Variants in RIC8B observed in about 807,000 individuals in gnomAD.
RIC8B encodes chaperone Ric-8B.
RIC8B carries 16 observed loss-of-function variants against 57.5 expected under a neutral mutation model. The observed-to-expected ratio is 0.28, with a 90% CI of 0.19 to 0.42. The LOEUF (loss-of-function observed/expected upper bound fraction) is 0.42, where lower values mean the gene tolerates loss of function less well. RIC8B is among the 10% of genes least tolerant of loss of function. RIC8B has a pLI of 1.00. For missense variants in RIC8B, 481 were observed against 677.0 expected (o/e 0.71, Z 3.21); for synonymous variants, 216 against 250.8 (o/e 0.86, Z 1.31).
chr12:106,799,497 AGTG>A (rs2044635238), intron 2 of RIC8B, among the ~76,000 whole-genome samples: 1 of 152,236 alleles, frequency 6.6e-6, no homozygotes, highest in Admixed American at 6.5e-5. Context: ...GAGCACAGCT[AGTG>A]GCTGAATCCA....
chr12:106,824,160 C>T (rs2045985672), intron 3 of RIC8B, among the ~76,000 whole-genome samples: 1 of 152,112 alleles, frequency 6.6e-6, no homozygotes, highest in East Asian at 1.9e-4. Flanking sequence ...CTTTTTGTTC[C>T]CTTCCTCTGT....
At chr12:106,775,250 C>G in intron 1 of RIC8B, 1 of 431,470 alleles carries the variant, frequency 2.3e-6, no homozygotes, top group Non-Finnish European at 4.6e-6. Flanking sequence ...GCAACGATGG[C>G]AGTTTCTATA....
At chr12:106,871,485 A>AAAC (rs1950407510) in intron 9 of RIC8B, 1 of 142,404 alleles carries the variant, frequency 7.0e-6, no homozygotes, top group African/African-American at 2.7e-5. Flanking sequence ...AAAAAAAAAA[A>AAAC]AAAAAAAAAA....
chr12:106,790,584 GT>G (rs202222807), intron 2 of RIC8B, among the ~76,000 whole-genome samples: 1 of 152,164 alleles, frequency 6.6e-6, no homozygotes, highest in Admixed American at 6.5e-5. Context: ...TGTAGGATTG[GT>G]GGGGAGGATA....
chr12:106,845,081 G>A (rs949121171), intron 6 of RIC8B, among the ~76,000 whole-genome samples: 1 of 152,120 alleles, frequency 6.6e-6, no homozygotes. Context: ...TTCCACCTGA[G>A]GTTCATTACT....
chr12:106,869,446 CT>C (rs112951280), intron 8 of RIC8B, among the ~76,000 whole-genome samples: 2,920 of 143,922 alleles, frequency 0.02, 66 homozygotes, highest in African/African-American at 0.056. Context: ...TGGCCAGTAT[CT>C]TTTTTTTTTT....
At chr12:106,775,064 C>A in intron 1 of RIC8B, 1 of 551,492 alleles carries the variant, frequency 1.8e-6, no homozygotes. Flanking sequence ...AGCAGCTTGA[C>A]CTCCGGTCCT....
intron 2 of RIC8B, among the ~76,000 whole-genome samples, chr12:106,794,364 G>C (rs2044382876): frequency 6.6e-6 from 1 of 152,072 alleles, no homozygotes; most frequent in African/African-American, 2.4e-5. Flanking sequence ...CAGAAGGAGA[G>C]GAGAGAGAAA....
At chr12:106,852,430 T>C (rs949961531) in intron 7 of RIC8B, among the ~76,000 whole-genome samples, 4 of 152,212 alleles carry the variant, frequency 2.6e-5, no homozygotes, top group African/African-American at 9.7e-5. Context: ...AAATCTTAAG[T>C]CAATTGTTAT....
intron 4 of RIC8B, among the ~76,000 whole-genome samples, chr12:106,835,012 A>G (rs2046530795): frequency 6.8e-6 from 1 of 148,062 alleles, no homozygotes; most frequent in Non-Finnish European, 1.5e-5. Flanking sequence ...AAAAAAAAGT[A>G]GAACTCTTTT....
intron 3 of RIC8B, among the ~76,000 whole-genome samples, chr12:106,815,800 GTAGTGTTAGATAACTA>G (rs1424503435): frequency 1.3e-5 from 2 of 152,186 alleles, no homozygotes; most frequent in Non-Finnish European, 2.9e-5. Flanking sequence ...AGGTTTCTCT[GTAGTGTTAGATAACTA>G]TCAGAGGCAT....
At chr12:106,870,520 G>A (rs369818166) in intron 8 of RIC8B, among the ~76,000 whole-genome samples, 111 of 151,432 alleles carry the variant, frequency 7.3e-4, no homozygotes, top group African/African-American at 2.4e-3. Context: ...GTGCATCCAC[G>A]GATATCCTAA....
At chr12:106,774,908 C>T (rs1275462858) in intron 1 of RIC8B, 79 bp downstream of exon 1, 3 of 1,052,018 alleles carry the variant, frequency 2.9e-6, no homozygotes, top group African/African-American at 3.2e-5. Context: ...TCCTTCCCCA[C>T]CCCCCTCATT....
At chr12:106,877,835 C>T (rs1395843060) in intron 9 of RIC8B, among the ~76,000 whole-genome samples, 1 of 152,068 alleles carries the variant, frequency 6.6e-6, no homozygotes, top group South Asian at 2.1e-4. Context: ...TTTAAGCTCA[C>T]CAGCCATCAT....
At chr12:106,865,231 C>T (rs1378972958) in intron 8 of RIC8B, among the ~76,000 whole-genome samples, 1 of 152,114 alleles carries the variant, frequency 6.6e-6, no homozygotes, top group Non-Finnish European at 1.5e-5. Context: ...CAGCAGTGTA[C>T]AAGGGTTCCC....
rs904484660 is a variant in RIC8B at position 106,887,282 on chromosome 12, C to G, written c.*1267C>G. On this transcript the variant is annotated 3_prime_UTR_variant, in exon 10 of 10. Coordinates refer to ENST00000392837, the MANE Select transcript of RIC8B (RefSeq NM_001330145.2). ...ATTAAATAAAACATTGGGGTTGATTCAATTTGGCCATCTGTGTGTGTTTCT... is the reference window on the plus strand; with the variant it reads ...ATTAAATAAAACATTGGGGTTGATTGAATTTGGCCATCTGTGTGTGTTTCT... The G allele has an allele frequency of 6.6e-6, 1 of 152,538 alleles. No homozygotes were observed. Among genetic ancestry groups the G allele is most frequent in the Non-Finnish European group, 1.5e-5 (1 of 68,024 alleles). The allele number at this position is 152,538 out of a possible 1,614,324, so 9.4% of individuals were successfully genotyped here.
In RIC8B at chr12:106,842,759, G is replaced by A; in HGVS notation, c.1007G>A (p.Gly336Asp). 1.2e-6 allele frequency: 2 copies of A among 1,613,756 alleles called. No individual in the cohort carries two copies. Among genetic ancestry groups the A allele is most frequent in the Non-Finnish European group, 1.7e-6 (2 of 1,179,760 alleles). Residue 336 changes from glycine (G) to aspartate (D), a missense_variant, in exon 5 of 10, where the codon GGT becomes GAT. Physicochemically the swap from Gly to Asp is moderately conservative, Grantham distance 94. This residue lies in a region of RIC8B where 421 missense variants were observed against 560.9 expected (regional missense o/e 0.75). Transcript: ENST00000392837. ...VLKNNTMVYN[G>D]MNMEAIHVLL... ...AAAAACAATACCATGGTATACAATG[G>A]TATGAATATGGAGGCCATTCATGTT...
intron 8 of RIC8B, among the ~76,000 whole-genome samples, chr12:106,863,723 A>G (rs1288462575): frequency 6.6e-6 from 1 of 152,082 alleles, no homozygotes; most frequent in Non-Finnish European, 1.5e-5. Flanking sequence ...CAGAGTTCTA[A>G]AAGACCAGAG....
intron 9 of RIC8B, among the ~76,000 whole-genome samples, chr12:106,880,375 C>T (rs1950869404): frequency 6.6e-6 from 1 of 152,112 alleles, no homozygotes. Flanking sequence ...AAAATTATTT[C>T]ATAGCCCAAC....
Sources: gnomAD v4.1 joint callset for allele counts (sites outside exome capture counted in the v4.1 genomes callset) on GRCh38, gnomAD v4.1.1 for gene constraint, gnomAD v4.1.1 regional missense constraint, MANE v1.5 for transcripts, NCBI Gene and HGNC (gene_info 2026-07-23, HGNC 2026-07-21) for gene names.